The following ARHGAP32 variants were observed in gnomAD, a reference collection of about 807,000 sequenced individuals.
The protein encoded by ARHGAP32 is rho GTPase-activating protein 32.
A neutral mutation model predicts 186.5 loss-of-function variants in ARHGAP32; 51 were observed. That is an observed-to-expected ratio of 0.27 (90% confidence interval 0.22 to 0.35). ARHGAP32 has a LOEUF of 0.35. ARHGAP32 is among the 10% of genes least tolerant of loss of function. The pLI is 1.00. For missense variants in ARHGAP32, 2,186 were observed against 2,623.5 expected (o/e 0.83, Z 3.64); for synonymous variants, 950 against 964.3 (o/e 0.99, Z 0.27).
At chr11:129,174,486 G>A (rs1042423091) in intron 1 of ARHGAP32, among the ~76,000 whole-genome samples, 71 of 152,328 alleles carry the variant, frequency 4.7e-4, no homozygotes, top group African/African-American at 1.6e-3. Context: ...ACCTCTGGGG[G>A]CAGGGCACAG....
intron 6 of ARHGAP32, among the ~76,000 whole-genome samples, chr11:129,078,677 G>T (rs943536666): frequency 1.3e-5 from 2 of 151,882 alleles, no homozygotes; most frequent in African/African-American, 4.8e-5. Flanking sequence ...ATTTTTAGTA[G>T]AGACAGGGTT....
chr11:129,012,631 A>T (rs1938136531), intron 11 of ARHGAP32, among the ~76,000 whole-genome samples: 1 of 152,224 alleles, frequency 6.6e-6, no homozygotes, highest in Non-Finnish European at 1.5e-5. Flanking sequence ...CGATCCACAC[A>T]TCATAAAGAA....
chr11:129,038,794 G>A (rs1218586523), intron 11 of ARHGAP32, among the ~76,000 whole-genome samples: 2 of 147,310 alleles, frequency 1.4e-5, no homozygotes, highest in East Asian at 2.0e-4. Flanking sequence ...GGCTGAGTCA[G>A]AAGGATCATT....
At chr11:129,105,522 A>C (rs1942025094) in intron 5 of ARHGAP32, among the ~76,000 whole-genome samples, 1 of 152,208 alleles carries the variant, frequency 6.6e-6, no homozygotes, top group Non-Finnish European at 1.5e-5. Context: ...AATCCCTGAC[A>C]AAACACTACC....
intron 11 of ARHGAP32, among the ~76,000 whole-genome samples, chr11:129,025,497 A>G (rs1938796767): frequency 6.6e-6 from 1 of 152,218 alleles, no homozygotes; most frequent in Non-Finnish European, 1.5e-5. Context: ...TATTGAATTT[A>G]GCTGAATAGG....
chr11:129,029,875 C>T (rs1939039144), intron 11 of ARHGAP32, among the ~76,000 whole-genome samples: 2 of 148,006 alleles, frequency 1.4e-5, no homozygotes, highest in Non-Finnish European at 3.0e-5. Flanking sequence ...CCCTAGCAAG[C>T]TCACAGGGTT....
At chr11:129,015,474 T>G (rs1230688033) in intron 11 of ARHGAP32, among the ~76,000 whole-genome samples, 1 of 152,192 alleles carries the variant, frequency 6.6e-6, no homozygotes, top group Non-Finnish European at 1.5e-5. Flanking sequence ...TTGTGCCACA[T>G]TATTTCCTCA....
chr11:129,204,362 A>G (rs886509217), intron 1 of ARHGAP32, among the ~76,000 whole-genome samples: 2 of 152,168 alleles, frequency 1.3e-5, no homozygotes, highest in African/African-American at 4.8e-5. Context: ...CCTCAGTGAC[A>G]AGTCTGGGGA....
At chr11:129,008,186 ATG>A (rs1211241143) in intron 11 of ARHGAP32, among the ~76,000 whole-genome samples, 3 of 152,146 alleles carry the variant, frequency 2.0e-5, no homozygotes, top group African/African-American at 7.2e-5. Flanking sequence ...ATCAGGTACT[ATG>A]AGTGCTCACC....
intron 2 of ARHGAP32, among the ~76,000 whole-genome samples, chr11:129,140,557 G>A (rs1227010330): frequency 6.6e-6 from 1 of 152,086 alleles, no homozygotes; most frequent in Non-Finnish European, 1.5e-5. Flanking sequence ...TCTTTCCCAG[G>A]ACTTGGGATG....
intron 1 of ARHGAP32, among the ~76,000 whole-genome samples, chr11:129,173,306 A>C (rs1225870172): frequency 6.6e-6 from 1 of 151,056 alleles, no homozygotes; most frequent in African/African-American, 2.4e-5. Flanking sequence ...TCTGAAATTG[A>C]GGCAGTAATT....
intron 1 of ARHGAP32, among the ~76,000 whole-genome samples, chr11:129,186,026 T>C (rs1415269048): frequency 3.3e-5 from 5 of 151,920 alleles, no homozygotes; most frequent in Admixed American, 6.6e-5. Context: ...ACATATTTAA[T>C]TTAAAAAAAA....
At position 129,272,535 on chromosome 11, in the gene ARHGAP32, T is replaced by C. The variant is rs542961991; in HGVS notation, c.-5+6611A>G. On this transcript the variant is annotated intron_variant, in intron 1 of 6. Coordinates refer to the ARHGAP32 transcript ENST00000525234. ...CCAGAATTTAGTCCACATCCAACTATAAAAGAGAAGCTAGGAAATGCAGTT... is the reference window on the plus strand; with the variant it reads ...CCAGAATTTAGTCCACATCCAACTACAAAAGAGAAGCTAGGAAATGCAGTT... 4.9e-4 allele frequency among the ~76,000 whole-genome samples: 75 copies of C among 152,254 alleles called. 1 individual carries two copies. The highest frequency in any genetic ancestry group is 1.4e-3 in the African/African-American group (58 of 41,540).
At chr11:129,188,823 A>T (rs1944217490) in intron 1 of ARHGAP32, among the ~76,000 whole-genome samples, 1 of 152,224 alleles carries the variant, frequency 6.6e-6, no homozygotes. Context: ...GCATCTACAG[A>T]TCGTGATCAA....
intron 1 of ARHGAP32, among the ~76,000 whole-genome samples, chr11:129,265,390 G>A (rs902424786): frequency 1.3e-5 from 2 of 152,170 alleles, no homozygotes; most frequent in African/African-American, 4.8e-5. Context: ...TCCTGTGCAG[G>A]AGTAATAGCA....
Position 129,177,547 on chromosome 11 carries a change from TG to T in ARHGAP32, c.117-13121del, listed in dbSNP as rs569522805. The stretch of plus-strand genomic sequence containing the variant: ...GATGCAAAAACCCTTAATAAAATAC[TG>T]GCAAACTGAATCCAGCAGCACATCA... On this transcript the variant is annotated intron_variant, in intron 1 of 22. Transcript: ENST00000682385. 3.3e-5 allele frequency among the ~76,000 whole-genome samples: 5 copies of T among 152,284 alleles called. No homozygotes were observed. The East Asian group carries it at 7.7e-4, about 23-fold the overall frequency.
chr11:129,062,206 G>T, intron 10 of ARHGAP32, 74 bp downstream of exon 10: 1 of 1,309,500 alleles, frequency 7.6e-7, no homozygotes, highest in Non-Finnish European at 1.1e-6. Context: ...ACCAGCACAT[G>T]TAAACAAAAG....
At chr11:129,268,363 T>C (rs1408947323) in intron 1 of ARHGAP32, among the ~76,000 whole-genome samples, 1 of 152,146 alleles carries the variant, frequency 6.6e-6, no homozygotes, top group African/African-American at 2.4e-5. Context: ...ATACATTTCC[T>C]AACAATAAGA....
At chr11:129,066,638 G>A (rs1940699698) in intron 7 of ARHGAP32, 93 bp downstream of exon 7, 1 of 1,181,084 alleles carries the variant, frequency 8.5e-7, no homozygotes. Context: ...CACCCTGCGT[G>A]TTCAGTATAA....
Sources: allele counts gnomAD v4.1 joint callset (sites outside exome capture counted in the v4.1 genomes callset), GRCh38; gene constraint gnomAD v4.1.1; transcripts MANE v1.5; gene names NCBI Gene and HGNC (gene_info 2026-07-23, HGNC 2026-07-21).